Variants in SEC14L1 observed in about 807,000 individuals in gnomAD.
SEC14L1 encodes the protein SEC14 like lipid binding 1.
SEC14L1 carries 48 observed loss-of-function variants against 85.3 expected under a neutral mutation model. The observed-to-expected ratio is 0.56, with a 90% confidence interval of 0.45 to 0.72. SEC14L1 has a LOEUF of 0.72. Among genes scored for constraint, SEC14L1 ranks in the 30% least tolerant of loss-of-function variants. SEC14L1 has a pLI of 0.00. For synonymous variants in SEC14L1, 391 were observed against 355.5 expected (o/e 1.10, Z -1.12); for missense variants, 682 against 921.4 (o/e 0.74, Z 3.36).
chr17:77,172,354 A>G (rs1048748489), intron 3 of SEC14L1, among the ~76,000 whole-genome samples: 34 of 151,940 alleles, frequency 2.2e-4, no homozygotes, highest in East Asian at 3.8e-4. Context: ...AAAGTGGCCT[A>G]TTTTTCCACA....
At chr17:77,157,876 G>C (rs936402541) in intron 3 of SEC14L1, among the ~76,000 whole-genome samples, 2 of 151,794 alleles carry the variant, frequency 1.3e-5, no homozygotes, top group Non-Finnish European at 2.9e-5. Flanking sequence ...TCAACAGGCT[G>C]TATAAATAGG....
intron 3 of SEC14L1, among the ~76,000 whole-genome samples, chr17:77,164,851 G>C (rs571374119): frequency 2.0e-5 from 3 of 152,314 alleles, no homozygotes; most frequent in Admixed American, 2.0e-4. Context: ...TTTGTCCTGA[G>C]AATAGTAGAT....
In SEC14L1 at chr17:77,194,552, A is replaced by C. The variant is rs537643200; in HGVS notation, c.475-125A>C. On this transcript the variant is annotated intron_variant, in intron 6 of 16. Coordinates refer to ENST00000436233, the MANE Select transcript of SEC14L1 (RefSeq NM_001143998.2). Reference sequence around the variant, plus strand: ...GGGCCACAAAGCGAGACCCTGTCTCAAAAAAAAAAAAAGATTGTGAGGCTC... The same window carrying C: ...GGGCCACAAAGCGAGACCCTGTCTCCAAAAAAAAAAAAGATTGTGAGGCTC... 8.9e-5 allele frequency: 16 copies of C among 180,558 alleles called. No homozygotes were observed. In the East Asian group the frequency reaches 2.2e-3, roughly 25 times the overall value. 11.2% of individuals were successfully genotyped at this position (180,558 alleles called of 1,614,324 possible).
chr17:77,157,260 A>C (rs553057055), intron 3 of SEC14L1, among the ~76,000 whole-genome samples: 1 of 152,344 alleles, frequency 6.6e-6, no homozygotes, highest in East Asian at 1.9e-4. Context: ...TTATGGCATT[A>C]ATATTTAGAA....
At chr17:77,101,246 A>C (rs2143316306) in intron 3 of SEC14L1, among the ~76,000 whole-genome samples, 1 of 151,694 alleles carries the variant, frequency 6.6e-6, no homozygotes, top group Middle Eastern at 3.4e-3. Flanking sequence ...GTGCAATGGC[A>C]CAATCTCGGC....
At chr17:77,112,309 C>T (rs1972066259) in intron 3 of SEC14L1, among the ~76,000 whole-genome samples, 1 of 152,154 alleles carries the variant, frequency 6.6e-6, no homozygotes, top group South Asian at 2.1e-4. Flanking sequence ...AGTGTGAGAA[C>T]AGACTAATGC....
At chr17:77,140,027 A>C (rs1972929212), upstream of SEC14L1, among the ~76,000 whole-genome samples, 2 of 152,196 alleles carry the variant, frequency 1.3e-5, no homozygotes, top group Admixed American at 6.5e-5. Context: ...AGGGTGACTA[A>C]TGTGAACGGA....
intron 3 of SEC14L1, among the ~76,000 whole-genome samples, chr17:77,146,197 G>T (rs1308568855): frequency 6.6e-6 from 1 of 152,158 alleles, no homozygotes; most frequent in Non-Finnish European, 1.5e-5. Flanking sequence ...GGCAGTGGGG[G>T]TGGTAGGCAG....
intron 3 of SEC14L1, among the ~76,000 whole-genome samples, chr17:77,179,001 T>A (rs1480224822): frequency 6.6e-6 from 1 of 152,244 alleles, no homozygotes; most frequent in African/African-American, 2.4e-5. Flanking sequence ...TGCTGTTTCC[T>A]AAGAGAAAAC....
At chr17:77,157,589 A>G (rs1973867004) in intron 3 of SEC14L1, among the ~76,000 whole-genome samples, 1 of 150,874 alleles carries the variant, frequency 6.6e-6, no homozygotes, top group African/African-American at 2.4e-5. Context: ...GTGCAGTGGC[A>G]TGATCTCGGC....
rs1052176962 is a variant in SEC14L1, at chr17:77,191,366, G to T, written c.345+54G>T. The T allele has an allele frequency of 6.9e-6, 11 of 1,599,986 alleles. No homozygotes were observed. In the African/African-American group the frequency reaches 1.2e-4, roughly 18 times the overall value. ...GTTCTGCCGACATATGGCTTCTGAG[G>T]ATTGTTTGATCACCATTTTAAACAG... On this transcript the variant is annotated intron_variant, in intron 5 of 16. Transcript: ENST00000436233.
At position 77,216,585 on chromosome 17, in the gene SEC14L1, C is replaced by G. The variant is rs1215693874; in HGVS notation, c.*2562C>G. 1.9e-6 allele frequency: 3 copies of G among 1,613,368 alleles called. No individual in the cohort carries two copies. Among genetic ancestry groups the G allele is most frequent in the Non-Finnish European group, 2.5e-6 (3 of 1,179,476 alleles). ...GCTGACAGCTGCCAAGAAAATGCTT[C>G]ACTCAACAGTCCTCATGTGCCCAGA... On this transcript the variant is annotated 3_prime_UTR_variant, in exon 17 of 17. Coordinates refer to ENST00000436233, the MANE Select transcript of SEC14L1 (RefSeq NM_001143998.2).
intron 7 of SEC14L1, among the ~76,000 whole-genome samples, chr17:77,195,412 G>A (rs542211110): frequency 1.3e-5 from 2 of 152,050 alleles, no homozygotes; most frequent in African/African-American, 4.8e-5. Context: ...TCCGTCTCCC[G>A]GGTTCAAGTG....
chr17:77,201,793 A>G (rs1976161706), intron 9 of SEC14L1, among the ~76,000 whole-genome samples: 1 of 152,158 alleles, frequency 6.6e-6, no homozygotes, highest in South Asian at 2.1e-4. Context: ...CTTTCTGTAA[A>G]TAGGCCTTTC....
rs2143244601 is a variant in SEC14L1, at chr17:77,214,279, C to G, written c.*256C>G. On this transcript the variant is annotated 3_prime_UTR_variant, in exon 17 of 17. Coordinates refer to ENST00000436233, the MANE Select transcript of SEC14L1 (RefSeq NM_001143998.2). ...AAAATCCAACCAGAGCGCAAGGGCT[C>G]TCTTGAAAGAAAAGTAGTTTCTGTA... The G allele has an allele frequency of 2.4e-6, 3 of 1,274,042 alleles. No individual in the cohort carries two copies. The highest frequency in any genetic ancestry group is 3.0e-6 in the Non-Finnish European group (3 of 1,008,726). 78.9% of individuals were successfully genotyped at this position (1,274,042 alleles called of 1,614,324 possible).
intron 3 of SEC14L1, among the ~76,000 whole-genome samples, chr17:77,097,371 C>G (rs922408499): frequency 1.3e-5 from 2 of 152,222 alleles, no homozygotes; most frequent in Non-Finnish European, 2.9e-5. Flanking sequence ...CAAGACCATC[C>G]TGGCCAACAT....
At chr17:77,203,975 A>G (rs1475737851) in intron 10 of SEC14L1, among the ~76,000 whole-genome samples, 1 of 151,810 alleles carries the variant, frequency 6.6e-6, no homozygotes, top group East Asian at 1.9e-4. Flanking sequence ...ACCTCTTGAT[A>G]GCATTCTTTC....
At chr17:77,120,289 C>T (rs555035969) in intron 3 of SEC14L1, among the ~76,000 whole-genome samples, 15 of 152,208 alleles carry the variant, frequency 9.9e-5, no homozygotes, top group African/African-American at 2.6e-4. Context: ...GCGTTCTAAC[C>T]GCCTTGTTTT....
rs888574955 is a variant in SEC14L1, at chr17:77,203,412, C to G, written c.1010-158C>G. On this transcript the variant is annotated intron_variant, in intron 9 of 16. Transcript: ENST00000436233. ...TGGGGTAAATATTGGACACACACCC[C>G]CTATCACACAAATCAGTTGCCACTT... Among the ~76,000 whole-genome samples, 3 of 152,210 alleles carry G rather than the reference C, an allele frequency of 2.0e-5. 1 individual carries two copies. Among genetic ancestry groups the G allele is most frequent in the Admixed American group, 2.0e-4 (3 of 15,286 alleles).
Sources: allele counts gnomAD v4.1 joint callset (sites outside exome capture counted in the v4.1 genomes callset), GRCh38; gene constraint gnomAD v4.1.1; transcripts MANE v1.5; gene names NCBI Gene and HGNC (gene_info 2026-07-23, HGNC 2026-07-21).